The following SH3D19 variants were observed in gnomAD, a reference collection of about 807,000 sequenced individuals.
SH3D19 encodes the protein SH3 domain-containing protein 19.
Under a neutral mutation model 112.1 loss-of-function variants are expected in SH3D19, and 58 were observed. The ratio of observed to expected loss-of-function variants is 0.52; its 90% CI spans 0.42 to 0.64. SH3D19 has a LOEUF of 0.64. Among genes scored for constraint, SH3D19 ranks in the 30% least tolerant of loss-of-function variants. The probability of loss-of-function intolerance (pLI) is 0.00; values close to 1 mark genes in which losing one functional copy is unlikely to be tolerated. For missense variants in SH3D19, 1,090 were observed against 1,263.4 expected (o/e 0.86, Z 2.08); for synonymous variants, 391 against 448.5 (o/e 0.87, Z 1.62).
chr4:151,255,360 G>A (rs530170632), intron 1 of SH3D19, among the ~76,000 whole-genome samples: 4 of 151,554 alleles, frequency 2.6e-5, no homozygotes, highest in African/African-American at 7.3e-5. Flanking sequence ...GGTCGCGGCC[G>A]GGCAGAGGTG....
intron 1 of SH3D19, among the ~76,000 whole-genome samples, chr4:151,299,069 A>C (rs960686795): frequency 1.3e-5 from 2 of 152,304 alleles, no homozygotes; most frequent in Admixed American, 1.3e-4. Flanking sequence ...AATGTTTAAA[A>C]TCTTGCTTGT....
rs545298328 is a variant in SH3D19, at chr4:151,253,479, G to A, written c.113-27393C>T. On this transcript the variant is annotated intron_variant, in intron 1 of 19. Coordinates refer to ENST00000604030, the MANE Select transcript of SH3D19 (RefSeq NM_001378122.1). ...TTGTTGGCCGGGCACAGTGGCTCAC[G>A]CCTGTAATCCCAGCACTTCGGGAGG... Among the ~76,000 whole-genome samples the A allele has an allele frequency of 1.2e-4, 18 of 152,312 alleles. No individual in the cohort carries two copies. In the East Asian group the frequency reaches 2.5e-3, roughly 21 times the overall value.
intron 1 of SH3D19, among the ~76,000 whole-genome samples, chr4:151,234,762 T>TG: frequency 1.5e-5 from 2 of 131,758 alleles, no homozygotes; most frequent in Non-Finnish European, 3.1e-5. Flanking sequence ...TTTTTTTTTT[T>TG]TTTTAGACAG....
At chr4:151,228,413 T>C (rs1360648179) in intron 1 of SH3D19, among the ~76,000 whole-genome samples, 1 of 152,218 alleles carries the variant, frequency 6.6e-6, no homozygotes, top group Non-Finnish European at 1.5e-5. Flanking sequence ...CCTCAAAGTA[T>C]ACAAATATTT....
intron 9 of SH3D19, among the ~76,000 whole-genome samples, chr4:151,153,238 T>C (rs1317004421): frequency 6.6e-6 from 1 of 152,106 alleles, no homozygotes; most frequent in African/African-American, 2.4e-5. Context: ...TCTCCAAGAA[T>C]TAGCACTACT....
intron 1 of SH3D19, among the ~76,000 whole-genome samples, chr4:151,288,613 G>A (rs1252295209): frequency 6.6e-6 from 1 of 151,838 alleles, no homozygotes; most frequent in Non-Finnish European, 1.5e-5. Flanking sequence ...TGGGCGTAGT[G>A]AGCTGAGATC....
At chr4:151,182,238 C>A (rs1204556855) in intron 3 of SH3D19, among the ~76,000 whole-genome samples, 6 of 152,136 alleles carry the variant, frequency 3.9e-5, no homozygotes, top group African/African-American at 1.4e-4. Context: ...ATCCGCCCAC[C>A]TTGGCCTCCT....
At chr4:151,167,894 G>A (rs1039854474) in intron 7 of SH3D19, among the ~76,000 whole-genome samples, 1 of 151,960 alleles carries the variant, frequency 6.6e-6, no homozygotes, top group South Asian at 2.1e-4. Context: ...TGCCCCGTCT[G>A]GGAAGTGAGG....
At chr4:151,304,134 G>C (rs1474942072) in intron 1 of SH3D19, among the ~76,000 whole-genome samples, 2 of 151,936 alleles carry the variant, frequency 1.3e-5, no homozygotes, top group Non-Finnish European at 2.9e-5. Context: ...ATCTTAATCA[G>C]TTTTTTTCTT....
rs761277802 is a variant in SH3D19 at position 151,175,211 on chromosome 4, C to T, written c.993G>A (p.Gly331=). ...CTGGTTTGGGAGCTACAGAAGGTTT[C>T]CCTGAGGAAACAGTAGGCTTTGGAG... ...SLPPKPTVSS[G]KPSVAPKPAA... is the part of the protein sequence containing the mutation. The change falls in exon 7 of 20, where the codon GGG becomes GGA. Residue 331 remains glycine, a synonymous_variant. Coordinates refer to ENST00000604030, the MANE Select transcript of SH3D19 (RefSeq NM_001378122.1). 7.4e-6 allele frequency: 12 copies of T among 1,614,132 alleles called. No homozygotes were observed. Among genetic ancestry groups the T allele is most frequent in the Non-Finnish European group, 9.3e-6 (11 of 1,180,020 alleles).
In SH3D19 at chr4:151,198,618, A is replaced by G. The variant is rs556209275; in HGVS notation, c.153-11155T>C. 7.3e-5 allele frequency among the ~76,000 whole-genome samples: 11 copies of G among 151,704 alleles called. No homozygotes were observed. The South Asian group carries it at 1.7e-3, about 23-fold the overall frequency. ...CATTACATTTCTAGCTTTTCACCAA[A>G]TATCTAGTGATGTCTAAGCCAAAAT... On this transcript the variant is annotated intron_variant, in intron 2 of 19. Coordinates refer to ENST00000604030, the MANE Select transcript of SH3D19 (RefSeq NM_001378122.1).
chr4:151,222,164 A>G (rs1025821197), intron 2 of SH3D19, among the ~76,000 whole-genome samples: 1 of 152,206 alleles, frequency 6.6e-6, no homozygotes, highest in African/African-American at 2.4e-5. Flanking sequence ...GTGCAGAAAT[A>G]TATCCCCCTC....
At chr4:151,291,160 T>C in intron 1 of SH3D19, 1 of 1,613,866 alleles carries the variant, frequency 6.2e-7, no homozygotes, top group South Asian at 1.1e-5. Context: ...TGATGGTGTA[T>C]GGATCCAGAC....
chr4:151,292,549 T>A lies in SH3D19; in HGVS notation c.112+32692A>T, dbSNP rs151127565. ...GGACATTATAGAAAAGAGCATTATA[T>A]CCCATGCTTCCTTTGTTAAACAATC... On this transcript the variant is annotated intron_variant, in intron 1 of 19. Transcript: ENST00000604030. Among the ~76,000 whole-genome samples, 819 of 152,304 alleles carry A rather than the reference T, an allele frequency of 5.4e-3. 3 individuals carry two copies. The highest frequency in any genetic ancestry group is 9.1e-3 in the Non-Finnish European group (616 of 68,026).
chr4:151,135,306 T>TA (rs1177546701), intron 14 of SH3D19, among the ~76,000 whole-genome samples, 174 bp from the exon 15 acceptor site: 5 of 150,344 alleles, frequency 3.3e-5, no homozygotes, highest in East Asian at 3.9e-4. Flanking sequence ...GAATTTGGAT[T>TA]AAAAAAAAAG....
At chr4:151,295,969 G>A (rs1318357467) in intron 1 of SH3D19, among the ~76,000 whole-genome samples, 1 of 150,936 alleles carries the variant, frequency 6.6e-6, no homozygotes, top group African/African-American at 2.4e-5. Context: ...CCAGGAGGCG[G>A]AGGTTGCAGT....
At chr4:151,267,162 A>AG (rs1223838481) in intron 1 of SH3D19, among the ~76,000 whole-genome samples, 1 of 76,138 alleles carries the variant, frequency 1.3e-5, no homozygotes, top group African/African-American at 2.8e-5. Flanking sequence ...CTCTCTAAAA[A>AG]AAAAAAAAAA....
chr4:151,228,289 T>A (rs1003067317), intron 1 of SH3D19, among the ~76,000 whole-genome samples: 3 of 152,178 alleles, frequency 2.0e-5, no homozygotes, highest in African/African-American at 7.2e-5. Flanking sequence ...AGAATTCACA[T>A]AGTTGATAAT....
chr4:151,272,731 A>G (rs1287525432), intron 1 of SH3D19, among the ~76,000 whole-genome samples: 1 of 151,732 alleles, frequency 6.6e-6, no homozygotes, highest in East Asian at 1.9e-4. Flanking sequence ...GCTGCAAGTG[A>G]AAGTAGCTTT....
Sources: gnomAD v4.1 joint callset for allele counts (sites outside exome capture counted in the v4.1 genomes callset) on GRCh38, gnomAD v4.1.1 for gene constraint, MANE v1.5 for transcripts, NCBI Gene and HGNC (gene_info 2026-07-23, HGNC 2026-07-21) for gene names.